Variants in GPHN observed in about 807,000 individuals in gnomAD.
GPHN encodes the protein gephyrin.
GPHN carries 17 observed loss-of-function variants against 95.5 expected under a neutral mutation model. The ratio of observed to expected loss-of-function variants is 0.18; its 90% CI spans 0.12 to 0.27. GPHN has a LOEUF of 0.27. Among genes scored for constraint, GPHN ranks in the 10% least tolerant of loss-of-function variants. The pLI, the probability that GPHN is intolerant of heterozygous loss-of-function variation, is 1.00. For missense variants in GPHN, 660 were observed against 978.1 expected (o/e 0.67, Z 4.34); for synonymous variants, 320 against 322.5 (o/e 0.99, Z 0.08).
At chr14:66,674,328 G>C (rs1218569877) in intron 1 of GPHN, among the ~76,000 whole-genome samples, 1 of 151,968 alleles carries the variant, frequency 6.6e-6, no homozygotes, top group Non-Finnish European at 1.5e-5. Flanking sequence ...TTGATCTCCT[G>C]ATCTCGTGAT....
At chr14:66,615,080 G>C (rs1027228347) in intron 1 of GPHN, among the ~76,000 whole-genome samples, 5 of 152,156 alleles carry the variant, frequency 3.3e-5, no homozygotes, top group African/African-American at 1.2e-4. Context: ...GTTCCATGGT[G>C]TATACGTATC....
At chr14:66,767,912 A>G (rs1484969034) in intron 2 of GPHN, among the ~76,000 whole-genome samples, 6 of 152,038 alleles carry the variant, frequency 3.9e-5, no homozygotes, top group African/African-American at 1.4e-4. Flanking sequence ...GAATACTTGC[A>G]CATATCAGGA....
chr14:67,147,565 C>G (rs2080972726), intron 18 of GPHN, among the ~76,000 whole-genome samples: 1 of 152,034 alleles, frequency 6.6e-6, no homozygotes, highest in Non-Finnish European at 1.5e-5. Context: ...GAGACAAAGT[C>G]TCACTCTGTC....
chr14:66,803,176 T>C (rs1418344371), intron 3 of GPHN, among the ~76,000 whole-genome samples: 2 of 152,166 alleles, frequency 1.3e-5, no homozygotes, highest in African/African-American at 4.8e-5. Context: ...CAGCTGAGTT[T>C]TATCCAGTTT....
At chr14:67,625,573 G>A in the GPHN span, among the ~76,000 whole-genome samples, 12 of 151,090 alleles carry the variant, frequency 7.9e-5, no homozygotes, top group African/African-American at 2.4e-4. Context: ...CCAACTACTC[G>A]GGAGGCTGAG....
At chr14:67,085,064 A>G (rs984621494) in intron 11 of GPHN, among the ~76,000 whole-genome samples, 3 of 152,252 alleles carry the variant, frequency 2.0e-5, no homozygotes, top group African/African-American at 7.2e-5. Flanking sequence ...GTAGCATTTA[A>G]ATAACTACAT....
At chr14:67,490,675 T>C in the GPHN span, among the ~76,000 whole-genome samples, 1 of 152,136 alleles carries the variant, frequency 6.6e-6, no homozygotes, top group African/African-American at 2.4e-5. Context: ...GACCAGAACC[T>C]AAAAATCAGA....
chr14:67,123,241 A>G (rs1049531648), intron 17 of GPHN, among the ~76,000 whole-genome samples: 27 of 151,498 alleles, frequency 1.8e-4, no homozygotes, highest in African/African-American at 6.1e-4. Flanking sequence ...TTAAGCATGG[A>G]TCCTTCTTCC....
At chr14:67,595,135 T>TA in the GPHN span, among the ~76,000 whole-genome samples, 1 of 151,370 alleles carries the variant, frequency 6.6e-6, no homozygotes, top group East Asian at 1.9e-4. Context: ...AGACTCCGTC[T>TA]AAAAAAAATA....
chr14:66,811,994 C>A (rs535695938), intron 3 of GPHN, among the ~76,000 whole-genome samples: 28 of 152,306 alleles, frequency 1.8e-4, no homozygotes, highest in Admixed American at 1.7e-3. Context: ...ATTCTTAAAA[C>A]TTTTAGCCTG....
chr14:66,640,344 C>A (rs936428645), intron 1 of GPHN, among the ~76,000 whole-genome samples: 53 of 152,132 alleles, frequency 3.5e-4, no homozygotes, highest in African/African-American at 1.2e-3. Flanking sequence ...ATCACTTGAA[C>A]CTTGGAGGCA....
intron 10 of GPHN, among the ~76,000 whole-genome samples, chr14:67,045,707 GTC>G (rs542923862): frequency 3.5e-5 from 5 of 143,556 alleles, no homozygotes; most frequent in East Asian, 2.1e-4. Context: ...CTCTGTCTCT[GTC>G]TCTCTCTCTC....
At chr14:67,393,669 G>A in the GPHN span, among the ~76,000 whole-genome samples, 1 of 152,058 alleles carries the variant, frequency 6.6e-6, no homozygotes, top group Admixed American at 6.5e-5. Context: ...GACCAGGCTG[G>A]TCTCGAACTC....
rs1239144590 is a variant in GPHN, at chr14:67,122,362, G to A, written c.1733G>A (p.Gly578Asp). Reference protein sequence around the residue: ...QEHGYPTINLGIVGDNPDDLL... With the variant: ...QEHGYPTINLDIVGDNPDDLL... ...CATGGTTACCCCACGATCAACTTGG[G>A]TATTGTAGGAGACAAGTAAGTATTT... Residue 578 changes from glycine (G) to aspartate (D), a missense_variant, in exon 17 of 23, where the codon GGT (glycine) becomes GAT (aspartate). Gly to Asp is a moderately conservative substitution (Grantham distance 94, BLOSUM62 -1). This residue lies in a region of GPHN where 257 missense variants were observed against 376.2 expected (regional missense o/e 0.68). Transcript: ENST00000478722. 1 of 1,612,880 alleles carries A rather than the reference G, an allele frequency of 6.2e-7. No homozygotes were observed. Among genetic ancestry groups the A allele is most frequent in the Non-Finnish European group, 8.5e-7 (1 of 1,179,090 alleles).
chr14:66,540,584 T>C (rs1365457346), intron 1 of GPHN, among the ~76,000 whole-genome samples: 2 of 152,208 alleles, frequency 1.3e-5, no homozygotes, highest in African/African-American at 4.8e-5. Flanking sequence ...AACCTTCTTA[T>C]TGTGCTAACT....
intron 10 of GPHN, among the ~76,000 whole-genome samples, chr14:67,057,845 A>G (rs2075667031): frequency 6.6e-6 from 1 of 152,206 alleles, no homozygotes; most frequent in Admixed American, 6.5e-5. Flanking sequence ...TATTTGTTGA[A>G]TGGGTATGTG....
intron 1 of GPHN, among the ~76,000 whole-genome samples, chr14:66,651,967 A>G (rs773707831): frequency 6.6e-6 from 1 of 152,074 alleles, no homozygotes; most frequent in South Asian, 2.1e-4. Context: ...AATAAATATA[A>G]TGTGCTTGAA....
intron 1 of GPHN, among the ~76,000 whole-genome samples, chr14:66,607,177 A>C (rs1293441191): frequency 6.6e-6 from 1 of 152,082 alleles, no homozygotes; most frequent in Non-Finnish European, 1.5e-5. Flanking sequence ...GGTTTTTATC[A>C]TAAAGAGATG....
At chr14:66,729,086 C>T (rs1204658195) in intron 2 of GPHN, among the ~76,000 whole-genome samples, 1 of 152,188 alleles carries the variant, frequency 6.6e-6, no homozygotes, top group East Asian at 1.9e-4. Flanking sequence ...CACAGGCTCT[C>T]TCTTGGCCTG....
Sources: gnomAD v4.1 joint callset for allele counts (sites outside exome capture counted in the v4.1 genomes callset) on GRCh38, gnomAD v4.1.1 for gene constraint, gnomAD v4.1.1 regional missense constraint, MANE v1.5 for transcripts, NCBI Gene and HGNC (gene_info 2026-07-23, HGNC 2026-07-21) for gene names.